The following SCIN variants were observed in gnomAD, a reference collection of about 807,000 sequenced individuals.
SCIN encodes the protein adseverin.
SCIN carries 91 observed loss-of-function variants against 91.8 expected under a neutral mutation model. The observed-to-expected ratio is 0.99, with a 90% CI of 0.84 to 1.18. The LOEUF is 1.18. Ranked by LOEUF, SCIN falls within the 50% of genes most tolerant of loss-of-function variation. The pLI, the probability that SCIN is intolerant of heterozygous loss-of-function variation, is 0.00. For synonymous variants in SCIN, 367 were observed against 312.6 expected, an observed-to-expected ratio of 1.17 and a Z score of -1.84; for missense variants, 1,087 against 863.9, an observed-to-expected ratio of 1.26 and a Z score of -3.24.
At chr7:12,590,439 A>G (rs890687974) in intron 3 of SCIN, among the ~76,000 whole-genome samples, 1 of 152,006 alleles carries the variant, frequency 6.6e-6, no homozygotes, top group African/African-American at 2.4e-5. Context: ...GGGGAGGAGA[A>G]ATAGGGTGAA....
intron 4 of SCIN, among the ~76,000 whole-genome samples, chr7:12,608,321 G>GCACACACACACACACA (rs35120183): frequency 1.1e-4 from 17 of 148,792 alleles, no homozygotes; most frequent in African/African-American, 3.5e-4. Context: ...ATGCACACAT[G>GCACACACACACACACA]CACACACACA....
At chr7:12,581,026 G>GT in intron 2 of SCIN, 34 bp from the exon 3 acceptor site, 2 of 1,543,844 alleles carry the variant, frequency 1.3e-6, no homozygotes, top group Non-Finnish European at 1.8e-6. Flanking sequence ...TTTTCTCTTT[G>GT]TTTTTTGTGT....
intron 3 of SCIN, among the ~76,000 whole-genome samples, chr7:12,582,196 G>C (rs563983697): frequency 5.3e-5 from 8 of 152,192 alleles, no homozygotes; most frequent in Non-Finnish European, 1.0e-4. Flanking sequence ...TAGACTCTCA[G>C]CATATCTGAT....
chr7:12,642,881 C>G (rs1437367338), intron 11 of SCIN, among the ~76,000 whole-genome samples: 1 of 151,988 alleles, frequency 6.6e-6, no homozygotes, highest in African/African-American at 2.4e-5. Context: ...CGGCCTTGGC[C>G]CCTTCACTGT....
Position 12,652,155 on chromosome 7 carries a change from T to A in SCIN, c.2020+254T>A, listed in dbSNP as rs563599973. Among the ~76,000 whole-genome samples the A allele has an allele frequency of 2.6e-5, 4 of 152,248 alleles. No homozygotes were observed. The South Asian group carries it at 8.3e-4, about 31-fold the overall frequency. ...AATTTAATCTGAAAACTTAAATTAA[T>A]TTCAACCCTTGTTTTATTATAAGAG... is the stretch of plus-strand genomic sequence containing the variant. On this transcript the variant is annotated intron_variant, in intron 15 of 15. Coordinates refer to ENST00000297029, the MANE Select transcript of SCIN (RefSeq NM_001112706.3).
chr7:12,570,970 C>T lies in SCIN; in HGVS notation c.184C>T (p.Leu62=). ...AKTSRGFTYH[L]HFWLGKECSQ... is the part of the protein sequence containing the mutation. ...GACGAGCCGAGGCTTCACCTACCAC[C>T]TGCACTTCTGGCTCGGTAAGGGACG... Residue 62 remains leucine, a synonymous_variant, in exon 1 of 16, where the codon CTG becomes TTG. Transcript: ENST00000297029. 2 of 1,550,776 alleles carry T rather than the reference C, an allele frequency of 1.3e-6. No homozygotes were observed. Among genetic ancestry groups the T allele is most frequent in the Non-Finnish European group, 1.7e-6 (2 of 1,146,508 alleles).
At chr7:12,591,700 G>C (rs1464508550) in intron 3 of SCIN, among the ~76,000 whole-genome samples, 1 of 152,140 alleles carries the variant, frequency 6.6e-6, no homozygotes, top group Non-Finnish European at 1.5e-5. Flanking sequence ...GGAGGGCAAA[G>C]TTGGAAATCC....
intron 2 of SCIN, among the ~76,000 whole-genome samples, chr7:12,578,909 G>GTTTGTTTTTTTTTTTTT: frequency 1.2e-5 from 1 of 85,898 alleles, no homozygotes; most frequent in Non-Finnish European, 2.3e-5. Context: ...TATAGGACAG[G>GTTTGTTTTTTTTTTTTT]TTTTTTTTTT....
At chr7:12,609,768 G>A (rs1429940907) in intron 4 of SCIN, among the ~76,000 whole-genome samples, 1 of 152,118 alleles carries the variant, frequency 6.6e-6, no homozygotes, top group Non-Finnish European at 1.5e-5. Context: ...GGAGATGGTA[G>A]GCAGATGCTG....
In SCIN at chr7:12,581,158, A is replaced by G; in HGVS notation, c.453A>G (p.Thr151=). The G allele has an allele frequency of 6.4e-7, 1 of 1,551,574 alleles. No individual in the cohort carries two copies. Among genetic ancestry groups the G allele is most frequent in the Non-Finnish European group, 8.7e-7 (1 of 1,146,850 alleles). The change falls in exon 3 of 16, where the codon ACA becomes ACG. Residue 151 remains threonine (T), a synonymous_variant. Transcript: ENST00000297029. The part of the protein sequence containing the change: ...HVKGRRVVRA[T]EVPLSWDSFN... ...AGGGTCGTAGAGTGGTGAGAGCCAC[A>G]GAAGTTCCCCTTAGCTGGGACAGTT...
intron 4 of SCIN, among the ~76,000 whole-genome samples, chr7:12,615,390 A>T (rs908196610): frequency 1.3e-5 from 2 of 151,858 alleles, no homozygotes; most frequent in Non-Finnish European, 2.9e-5. Flanking sequence ...ATGAGGTCTG[A>T]TGGTTTTAAA....
chr7:12,633,199 ACTTGTATG>A (rs1583313326), intron 9 of SCIN, among the ~76,000 whole-genome samples: 2 of 152,126 alleles, frequency 1.3e-5, no homozygotes, highest in African/African-American at 4.8e-5. Flanking sequence ...TTATGAAATC[ACTTGTATG>A]CTGAAATGAC....
intron 1 of SCIN, among the ~76,000 whole-genome samples, chr7:12,575,041 G>A (rs2115200624): frequency 6.6e-6 from 1 of 152,156 alleles, no homozygotes; most frequent in East Asian, 1.9e-4. Flanking sequence ...TCAGCATACA[G>A]ATCCTGTACA....
At chr7:12,626,301 A>G in intron 7 of SCIN, 1 of 406,896 alleles carries the variant, frequency 2.5e-6, no homozygotes, top group South Asian at 3.3e-5. Flanking sequence ...GAACACAATG[A>G]GATCATTTCT....
chr7:12,636,806 G>T (rs1783761607), intron 10 of SCIN, among the ~76,000 whole-genome samples: 1 of 151,936 alleles, frequency 6.6e-6, no homozygotes, highest in Non-Finnish European at 1.5e-5. Flanking sequence ...CCAACACAAA[G>T]AAATGATAAA....
At chr7:12,602,664 T>C (rs934219155) in intron 3 of SCIN, among the ~76,000 whole-genome samples, 1 of 152,142 alleles carries the variant, frequency 6.6e-6, no homozygotes, top group African/African-American at 2.4e-5. Context: ...TAGCGATATC[T>C]CTCCTACTTG....
intron 3 of SCIN, among the ~76,000 whole-genome samples, chr7:12,602,723 G>A (rs1191002956): frequency 6.6e-6 from 1 of 152,046 alleles, no homozygotes; most frequent in Non-Finnish European, 1.5e-5. Flanking sequence ...GGTTCTTTTT[G>A]CCCGACCCTG....
At chr7:12,602,159 C>T (rs1277653636) in intron 3 of SCIN, among the ~76,000 whole-genome samples, 1 of 152,192 alleles carries the variant, frequency 6.6e-6, no homozygotes, top group Non-Finnish European at 1.5e-5. Context: ...AATTTTACAA[C>T]TGGGCCTCCA....
intron 3 of SCIN, among the ~76,000 whole-genome samples, chr7:12,583,101 G>T (rs939908590): frequency 1.3e-5 from 2 of 151,390 alleles, no homozygotes; most frequent in Non-Finnish European, 2.9e-5. Context: ...TTACTTGAAA[G>T]TATTTCTTTT....
Sources: gnomAD v4.1 joint callset for allele counts (sites outside exome capture counted in the v4.1 genomes callset) on GRCh38, gnomAD v4.1.1 for gene constraint, MANE v1.5 for transcripts, NCBI Gene and HGNC (gene_info 2026-07-23, HGNC 2026-07-21) for gene names.